Variants in WDPCP observed in about 807,000 individuals in gnomAD.
WDPCP encodes WD repeat-containing and planar cell polarity effector protein fritz homolog.
In WDPCP, 71 loss-of-function variants were observed where a neutral mutation model predicts 93.1. That is an observed-to-expected ratio of 0.76 (90% confidence interval 0.63 to 0.93). The LOEUF is 0.93. Ranked by LOEUF, WDPCP falls within the 40% of genes least tolerant of loss-of-function variation. The probability of loss-of-function intolerance (pLI) is 0.00; values close to 1 mark genes in which losing one functional copy is unlikely to be tolerated. For missense variants in WDPCP, 844 were observed against 887.4 expected, an observed-to-expected ratio of 0.95 and a Z score of 0.62; for synonymous variants, 315 against 315.0, an observed-to-expected ratio of 1.00 and a Z score of 0.00.
intron 12 of WDPCP, among the ~76,000 whole-genome samples, chr2:63,314,382 C>G (rs1686472048): frequency 1.3e-5 from 2 of 152,002 alleles, no homozygotes; most frequent in African/African-American, 2.4e-5. Context: ...GTTGCCCAGG[C>G]TGGTCTCAAA....
At chr2:63,803,180 A>G (rs1265568564) in intron 2 of WDPCP, among the ~76,000 whole-genome samples, 2 of 152,188 alleles carry the variant, frequency 1.3e-5, no homozygotes, top group African/African-American at 4.8e-5. Flanking sequence ...GAGTCATGAG[A>G]TTTCAGACAT....
At chr2:63,363,674 C>T (rs1225847421) in intron 12 of WDPCP, among the ~76,000 whole-genome samples, 8 of 152,140 alleles carry the variant, frequency 5.3e-5, no homozygotes, top group Middle Eastern at 3.4e-3. Flanking sequence ...CCTTCAAATA[C>T]GTATTTCCTG....
intron 9 of WDPCP, among the ~76,000 whole-genome samples, chr2:63,418,259 G>A (rs985386367): frequency 6.6e-6 from 1 of 152,112 alleles, no homozygotes; most frequent in Non-Finnish European, 1.5e-5. Context: ...AGCTTAGGTT[G>A]AATTACTAGT....
At chr2:63,279,794 T>C (rs568111714) in intron 13 of WDPCP, among the ~76,000 whole-genome samples, 1 of 152,206 alleles carries the variant, frequency 6.6e-6, no homozygotes, top group East Asian at 1.9e-4. Flanking sequence ...CACAAATCAG[T>C]AGCTCTGCTA....
At chr2:63,240,832 T>C (rs1035150139) in intron 14 of WDPCP, among the ~76,000 whole-genome samples, 11 of 152,270 alleles carry the variant, frequency 7.2e-5, no homozygotes, top group African/African-American at 2.6e-4. Flanking sequence ...CATTTAACAT[T>C]TGTACCTTTC....
chr2:63,584,469 T>C (rs1447926867), intron 1 of WDPCP, among the ~76,000 whole-genome samples: 2 of 152,230 alleles, frequency 1.3e-5, no homozygotes, highest in Non-Finnish European at 2.9e-5. Flanking sequence ...GGTGTGTAGC[T>C]ATATTCATTT....
intron 6 of WDPCP, among the ~76,000 whole-genome samples, chr2:63,453,812 G>A (rs1698432375): frequency 6.6e-6 from 1 of 151,916 alleles, no homozygotes; most frequent in Admixed American, 6.6e-5. Context: ...GATGAAGCAG[G>A]AAACCATCAT....
rs549335027 is a variant in WDPCP at position 63,210,487 on chromosome 2, G to A, written c.1916-35655C>T. On this transcript the variant is annotated intron_variant, in intron 14 of 17. Transcript: ENST00000272321. ...TTAATGTAGGGGGAAGTTCCAAGAT[G>A]GCGGGATAGGAACAGCTCCAGTCTA... 9.8e-5 allele frequency among the ~76,000 whole-genome samples: 15 copies of A among 152,312 alleles called. No individual in the cohort carries two copies. In the South Asian group the frequency reaches 3.1e-3, roughly 32 times the overall value.
intron 12 of WDPCP, among the ~76,000 whole-genome samples, chr2:63,372,841 A>T (rs1691510166): frequency 6.6e-6 from 1 of 152,126 alleles, no homozygotes; most frequent in African/African-American, 2.4e-5. Context: ...TTACCAATAT[A>T]GGCTGGGCAC....
chr2:63,524,411 A>G (rs1344041156), intron 1 of WDPCP, among the ~76,000 whole-genome samples: 5 of 152,242 alleles, frequency 3.3e-5, no homozygotes, highest in African/African-American at 1.2e-4. Flanking sequence ...AGACAGAGAG[A>G]CCAATGGAAC....
intron 3 of WDPCP, chr2:63,643,652 C>A: frequency 2.2e-6 from 1 of 460,022 alleles, no homozygotes; most frequent in East Asian, 5.4e-5. Flanking sequence ...CCTTTTGTAC[C>A]CACAAAGATT....
At chr2:63,639,205 C>T (rs1242833450) in intron 3 of WDPCP, among the ~76,000 whole-genome samples, 1 of 152,182 alleles carries the variant, frequency 6.6e-6, no homozygotes, top group African/African-American at 2.4e-5. Context: ...CACTGCACTC[C>T]AGCCTGGGTG....
intron 12 of WDPCP, among the ~76,000 whole-genome samples, chr2:63,321,654 TAG>T (rs1558465578): frequency 6.6e-6 from 1 of 152,194 alleles, no homozygotes; most frequent in East Asian, 1.9e-4. Context: ...CACAGCATTG[TAG>T]AGTGACTTTC....
intron 9 of WDPCP, among the ~76,000 whole-genome samples, chr2:63,422,743 A>G (rs923828250): frequency 6.6e-6 from 1 of 152,222 alleles, no homozygotes; most frequent in Non-Finnish European, 1.5e-5. Flanking sequence ...ACCATCTCAT[A>G]TAGTCTTGCC....
chr2:63,169,617 A>G (rs1298620108), intron 15 of WDPCP, among the ~76,000 whole-genome samples: 3 of 152,172 alleles, frequency 2.0e-5, no homozygotes, highest in Non-Finnish European at 4.4e-5. Flanking sequence ...ATATTTTGCA[A>G]CATTTTCTTG....
chr2:63,195,520 GTGATCACAGATCACTGCAGC>G (rs1675359789), intron 14 of WDPCP, among the ~76,000 whole-genome samples: 1 of 152,034 alleles, frequency 6.6e-6, no homozygotes, highest in African/African-American at 2.4e-5. Flanking sequence ...CTGGAGTGCA[GTGATCACAGATCACTGCAGC>G]CTCAAACTCC....
chr2:63,714,715 G>A (rs1669310096), intron 2 of WDPCP, among the ~76,000 whole-genome samples: 1 of 152,152 alleles, frequency 6.6e-6, no homozygotes, highest in Non-Finnish European at 1.5e-5. Flanking sequence ...TGTACTCCCA[G>A]CTACTTGGGA....
intron 4 of WDPCP, 44 bp from the exon 5 acceptor site, chr2:63,485,031 A>G: frequency 6.2e-7 from 1 of 1,607,446 alleles, no homozygotes; most frequent in South Asian, 1.1e-5. Context: ...ACAAGATTTA[A>G]AAAGGAAATT....
intron 13 of WDPCP, among the ~76,000 whole-genome samples, chr2:63,289,382 G>A (rs1684239527): frequency 6.6e-6 from 1 of 151,778 alleles, no homozygotes; most frequent in Non-Finnish European, 1.5e-5. Context: ...GATATATTAT[G>A]TTCTCATTTT....
Sources: gnomAD v4.1 joint callset for allele counts (sites outside exome capture counted in the v4.1 genomes callset) on GRCh38, gnomAD v4.1.1 for gene constraint, MANE v1.5 for transcripts, NCBI Gene and HGNC (gene_info 2026-07-23, HGNC 2026-07-21) for gene names.